Variants in MGMT observed in about 807,000 individuals in gnomAD.
MGMT encodes the protein O-6-methylguanine-DNA methyltransferase.
A neutral mutation model predicts 15.9 loss-of-function variants in MGMT; 14 were observed. The observed-to-expected ratio is 0.88, with a 90% confidence interval of 0.58 to 1.37. The LOEUF (loss-of-function observed/expected upper bound fraction) is 1.37, where lower values mean the gene tolerates loss of function less well. MGMT is among the 40% of genes most tolerant of loss of function. The pLI is 0.00. For synonymous variants in MGMT, 130 were observed against 118.2 expected (o/e 1.10, Z -0.65); for missense variants, 282 against 268.1 (o/e 1.05, Z -0.36).
intron 2 of MGMT, among the ~76,000 whole-genome samples, chr10:129,568,546 T>C (rs1189693229): frequency 6.6e-6 from 1 of 152,154 alleles, no homozygotes; most frequent in African/African-American, 2.4e-5. Context: ...AAACACACAA[T>C]AGAATTTCTG....
chr10:129,730,095 C>T (rs756615735), intron 3 of MGMT, among the ~76,000 whole-genome samples: 1 of 152,190 alleles, frequency 6.6e-6, no homozygotes, highest in Non-Finnish European at 1.5e-5. Context: ...TGAACACCAG[C>T]AAGAAGCTTC....
chr10:129,701,238 T>C (rs1328635297), intron 2 of MGMT: 3 of 152,290 alleles, frequency 2.0e-5, no homozygotes, highest in Non-Finnish European at 4.4e-5. Context: ...TGGAACGAAC[T>C]CTTTCCTTGG....
rs541711153 is a variant in MGMT at position 129,716,295 on chromosome 10, A to G, written c.274+8252A>G. 2.6e-5 allele frequency among the ~76,000 whole-genome samples: 4 copies of G among 152,304 alleles called. No homozygotes were observed. The East Asian group carries it at 7.7e-4, about 29-fold the overall frequency. The stretch of plus-strand genomic sequence containing the variant: ...GAGCCCACCCTCTCCGCCAGTAAAT[A>G]TATACAGTGTAGCTGTTACTATGAC... On this transcript the variant is annotated intron_variant, in intron 3 of 4. Coordinates refer to ENST00000651593, the MANE Select transcript of MGMT (RefSeq NM_002412.5).
At chr10:129,698,879 A>G (rs2133133892) in intron 2 of MGMT, among the ~76,000 whole-genome samples, 2 of 151,516 alleles carry the variant, frequency 1.3e-5, no homozygotes, top group Middle Eastern at 6.8e-3. Context: ...AAACTTTGCT[A>G]TTAATCAACA....
At chr10:129,498,669 A>C (rs1390903165) in intron 1 of MGMT, among the ~76,000 whole-genome samples, 1 of 152,148 alleles carries the variant, frequency 6.6e-6, no homozygotes, top group African/African-American at 2.4e-5. Flanking sequence ...GGACCTGCCC[A>C]TCGTTTTTCT....
intron 3 of MGMT, among the ~76,000 whole-genome samples, chr10:129,751,615 G>C (rs1455953781): frequency 2.0e-5 from 3 of 151,538 alleles, no homozygotes; most frequent in African/African-American, 7.3e-5. Context: ...AGATTATTGA[G>C]ACCTTTCTTT....
chr10:129,513,756 T>C (rs977283753), intron 1 of MGMT, among the ~76,000 whole-genome samples: 1 of 152,224 alleles, frequency 6.6e-6, no homozygotes, highest in Admixed American at 6.5e-5. Flanking sequence ...TATCACACTC[T>C]TGCTGTGACC....
At chr10:129,616,690 T>C (rs1227303981) in intron 2 of MGMT, among the ~76,000 whole-genome samples, 1 of 152,190 alleles carries the variant, frequency 6.6e-6, no homozygotes, top group African/African-American at 2.4e-5. Flanking sequence ...AGAGTCACCT[T>C]GTTAACTAGA....
chr10:129,607,713 GGA>G (rs1273371626), intron 2 of MGMT, among the ~76,000 whole-genome samples: 3 of 152,166 alleles, frequency 2.0e-5, no homozygotes, highest in Non-Finnish European at 4.4e-5. Context: ...AGTTTCCCTT[GGA>G]CAGCTGCTCA....
chr10:129,535,248 C>T (rs1845972538), intron 1 of MGMT, among the ~76,000 whole-genome samples: 1 of 151,982 alleles, frequency 6.6e-6, no homozygotes, highest in Admixed American at 6.6e-5. Flanking sequence ...GAAGCTGTGG[C>T]AATGGGAGGA....
intron 1 of MGMT, among the ~76,000 whole-genome samples, chr10:129,522,325 G>A (rs190212553): frequency 6.6e-6 from 1 of 152,348 alleles, no homozygotes; most frequent in East Asian, 1.9e-4. Context: ...CTGGACACAG[G>A]TAATGCCTTT....
At chr10:129,577,555 A>G (rs990290372) in intron 2 of MGMT, among the ~76,000 whole-genome samples, 1 of 152,230 alleles carries the variant, frequency 6.6e-6, no homozygotes, top group Non-Finnish European at 1.5e-5. Context: ...TTAAAGACTT[A>G]AATGTTAGAC....
intron 1 of MGMT, among the ~76,000 whole-genome samples, chr10:129,478,833 G>A (rs1845325087): frequency 6.6e-6 from 1 of 152,152 alleles, no homozygotes; most frequent in Admixed American, 6.5e-5. Context: ...TGCTCTATTT[G>A]AAGTGTGGAT....
intron 2 of MGMT, among the ~76,000 whole-genome samples, chr10:129,584,751 G>A (rs900280076): frequency 3.3e-4 from 50 of 152,100 alleles, no homozygotes; most frequent in African/African-American, 1.2e-3. Flanking sequence ...GTGGCCTTTT[G>A]TGCCTGGTTC....
At chr10:129,521,349 C>T (rs189434970) in intron 1 of MGMT, among the ~76,000 whole-genome samples, 73 of 152,114 alleles carry the variant, frequency 4.8e-4, no homozygotes, top group South Asian at 2.1e-3. Flanking sequence ...ATGCAGTGAG[C>T]GAGGCCCCGC....
At chr10:129,662,655 G>A (rs764270381) in intron 2 of MGMT, among the ~76,000 whole-genome samples, 4 of 152,080 alleles carry the variant, frequency 2.6e-5, no homozygotes, top group Admixed American at 6.5e-5. Context: ...GCTTGGTAAG[G>A]CAGCCCGTAG....
At chr10:129,521,350 G>A (rs892643145) in intron 1 of MGMT, among the ~76,000 whole-genome samples, 7 of 152,126 alleles carry the variant, frequency 4.6e-5, no homozygotes, top group Non-Finnish European at 5.9e-5. Flanking sequence ...TGCAGTGAGC[G>A]AGGCCCCGCC....
intron 1 of MGMT, 133 bp from the exon 2 acceptor site, chr10:129,536,108 C>T (rs1845980428): frequency 3.9e-6 from 4 of 1,013,268 alleles, no homozygotes; most frequent in African/African-American, 1.6e-5. Context: ...AATGATGCAT[C>T]GTATAATTCC....
chr10:129,586,839 T>C (rs564356389), intron 2 of MGMT, among the ~76,000 whole-genome samples: 240 of 152,326 alleles, frequency 1.6e-3, no homozygotes, highest in African/African-American at 5.4e-3. Flanking sequence ...GCCGTTTTTA[T>C]GAACAGTGGG....
Sources: allele counts gnomAD v4.1 joint callset (sites outside exome capture counted in the v4.1 genomes callset), GRCh38; gene constraint gnomAD v4.1.1; transcripts MANE v1.5; gene names NCBI Gene and HGNC (gene_info 2026-07-23, HGNC 2026-07-21).